SMARCA5: variants seen among roughly 807,000 people sequenced by gnomAD.
SMARCA5 encodes SNF2 related chromatin remodeling ATPase 5.
Under a neutral mutation model 140.4 loss-of-function variants are expected in SMARCA5, and 18 were observed. The ratio of observed to expected loss-of-function variants is 0.13; its 90% confidence interval spans 0.09 to 0.19. The LOEUF (loss-of-function observed/expected upper bound fraction) is 0.19. Among genes scored for constraint, SMARCA5 ranks in the 10% least tolerant of loss-of-function variants. The pLI is 1.00. For synonymous variants in SMARCA5, 449 were observed against 419.6 expected, an observed-to-expected ratio of 1.07 and a Z score of -0.86; for missense variants, 606 against 1,276.8, an observed-to-expected ratio of 0.47 and a Z score of 8.01.
At chr4:143,526,592 T>G in intron 6 of SMARCA5, 132 bp downstream of exon 6, 1 of 646,688 alleles carries the variant, frequency 1.5e-6, no homozygotes. Context: ...AATGTAGCAT[T>G]GTCTTGGTGG....
intron 8 of SMARCA5, among the ~76,000 whole-genome samples, chr4:143,529,550 G>T (rs1247376402): frequency 6.6e-6 from 1 of 152,100 alleles, no homozygotes; most frequent in East Asian, 1.9e-4. Flanking sequence ...TTAGCTATTT[G>T]AACTGTTAAT....
At chr4:143,528,242 T>C (rs898099178) in intron 7 of SMARCA5, among the ~76,000 whole-genome samples, 1 of 152,134 alleles carries the variant, frequency 6.6e-6, no homozygotes, top group African/African-American at 2.4e-5. Flanking sequence ...CTCTGCTTTC[T>C]CCCCACTCCC....
intron 16 of SMARCA5, 59 bp from the exon 17 acceptor site, chr4:143,544,678 G>A: frequency 1.1e-6 from 1 of 923,390 alleles, no homozygotes; most frequent in Admixed American, 2.0e-5. Flanking sequence ...CCTTCTTGAT[G>A]ATGATTTGTT....
chr4:143,530,305 A>G (rs1560815776), intron 8 of SMARCA5, among the ~76,000 whole-genome samples, 153 bp from the exon 9 acceptor site: 1 of 152,220 alleles, frequency 6.6e-6, no homozygotes, highest in African/African-American at 2.4e-5. Context: ...ATTAGTAACA[A>G]TGACACATGA....
intron 3 of SMARCA5, among the ~76,000 whole-genome samples, chr4:143,523,141 C>T (rs150254076): frequency 0.01 from 1,554 of 152,192 alleles, 37 homozygotes; most frequent in African/African-American, 0.035. Context: ...GGGGTTCAAG[C>T]GATTCTTGGA....
chr4:143,542,230 T>A lies in SMARCA5; in HGVS notation c.1904-1279T>A, dbSNP rs948556068. On this transcript the variant is annotated intron_variant, in intron 14 of 23. Transcript: ENST00000283131. ...TAATTTAGAAATCTTGAGGTTTTTTTACTTCATATTTACTGTGGCAATTTT... is the reference window on the plus strand; with the variant it reads ...TAATTTAGAAATCTTGAGGTTTTTTAACTTCATATTTACTGTGGCAATTTT... Among the ~76,000 whole-genome samples, 19 of 152,208 alleles carry A rather than the reference T, an allele frequency of 1.2e-4. 1 individual carries two copies. Among genetic ancestry groups the A allele is most frequent in the Admixed American group, 1.2e-3 (19 of 15,278 alleles).
At chr4:143,535,120 C>CAT (rs1251209977) in intron 10 of SMARCA5, among the ~76,000 whole-genome samples, 156 bp downstream of exon 10, 2 of 152,128 alleles carry the variant, frequency 1.3e-5, no homozygotes, top group African/African-American at 2.4e-5. Flanking sequence ...AGGACTTGCT[C>CAT]ATTAAGTTCG....
At chr4:143,530,554 A>C in intron 9 of SMARCA5, 28 bp downstream of exon 9, 1 of 1,431,572 alleles carries the variant, frequency 7.0e-7, no homozygotes, top group Non-Finnish European at 9.7e-7. Context: ...GTGTTAAAGC[A>C]TATTTATGAT....
chr4:143,522,567 G>A (rs1307304847), intron 3 of SMARCA5, among the ~76,000 whole-genome samples: 1 of 152,114 alleles, frequency 6.6e-6, no homozygotes, highest in Non-Finnish European at 1.5e-5. Context: ...TTTATTTGGG[G>A]TATTCCACTC....
In SMARCA5 at chr4:143,556,536, A is replaced by G. The variant is rs1357736759; in HGVS notation, c.*3352A>G. 1 of 152,214 alleles carries G rather than the reference A, an allele frequency of 6.6e-6. No homozygotes were observed. The highest frequency in any genetic ancestry group is 1.5e-5 in the Non-Finnish European group (1 of 68,036). 9.4% of individuals were successfully genotyped at this position (152,214 alleles called of 1,614,324 possible). On this transcript the variant is annotated 3_prime_UTR_variant, in exon 24 of 24. Coordinates refer to ENST00000283131, the MANE Select transcript of SMARCA5 (RefSeq NM_003601.4). Reference sequence around the variant, plus strand: ...TTTAAACAAAGTAGATTAATGACACAAGGTGGATTGATGAACTCATAAATC... The same window carrying G: ...TTTAAACAAAGTAGATTAATGACACGAGGTGGATTGATGAACTCATAAATC...
intron 22 of SMARCA5, among the ~76,000 whole-genome samples, chr4:143,548,904 A>G (rs185922264): frequency 2.0e-4 from 30 of 152,202 alleles, no homozygotes; most frequent in East Asian, 1.5e-3. Flanking sequence ...CAGTATTTTC[A>G]TGTTTGACCA....
Position 143,550,073 on chromosome 4 carries a change from C to A in SMARCA5, c.3062C>A (p.Ala1021Glu). The change falls in exon 23 of 24, where the codon GCA (alanine) becomes GAA (glutamate). Residue 1021 changes from alanine (A) to glutamate (E), a missense_variant. Ala to Glu is a moderately radical substitution (Grantham distance 107). Transcript: ENST00000283131. ...ATGGAACTAGAAGAAAAGGAGAAGG[C>A]AGAGAAAAAGAAACGAGGACCAAAG... ...ENMELEEKEK[A>E]EKKKRGPKPS... 6.3e-7 allele frequency: 1 copy of A among 1,585,242 alleles called. No individual in the cohort carries two copies. The highest frequency in any genetic ancestry group is 1.4e-5 in the African/African-American group (1 of 72,782).
rs1417715276 is a variant in SMARCA5, at chr4:143,556,076, C to T, written c.*2892C>T. 1.3e-5 allele frequency: 2 copies of T among 152,136 alleles called. No individual in the cohort carries two copies. Among genetic ancestry groups the T allele is most frequent in the African/African-American group, 2.4e-5 (1 of 41,440 alleles). 9.4% of individuals were successfully genotyped at this position (152,136 alleles called of 1,614,324 possible). On this transcript the variant is annotated 3_prime_UTR_variant, in exon 24 of 24. Transcript: ENST00000283131. Reference sequence around the variant, plus strand: ...CAAAAAATCTAAAATCAGAAATGCTCCATAATTTGAATGCTCATTAGGGCA... The same window carrying T: ...CAAAAAATCTAAAATCAGAAATGCTTCATAATTTGAATGCTCATTAGGGCA...
rs1737108941 is a variant in SMARCA5 at position 143,528,025 on chromosome 4, TA to T, written c.957+4del. On this transcript the variant is annotated splice_donor_region_variant and intron_variant, in intron 7 of 23. Coordinates refer to ENST00000283131, the MANE Select transcript of SMARCA5 (RefSeq NM_003601.4). The stretch of plus-strand genomic sequence containing the variant: ...AGGATCAAAAATGAAAAATCTAAGG[TA>T]ATTTGATACTTAGATGTGAAAAGCC... The T allele has an allele frequency of 1.3e-6, 2 of 1,554,352 alleles. No homozygotes were observed. Among genetic ancestry groups the T allele is most frequent in the Non-Finnish European group, 1.7e-6 (2 of 1,158,116 alleles).
chr4:143,548,353 T>C, intron 22 of SMARCA5: 1 of 374,750 alleles, frequency 2.7e-6, no homozygotes, highest in Non-Finnish European at 4.8e-6. Context: ...ATGATAAGAC[T>C]AGCTTTTCAA....
At chr4:143,543,353 C>T (rs1324740307) in intron 14 of SMARCA5, among the ~76,000 whole-genome samples, 156 bp from the exon 15 acceptor site, 2 of 151,926 alleles carry the variant, frequency 1.3e-5, no homozygotes, top group South Asian at 2.1e-4. Context: ...AAATTTAGTG[C>T]AAAAATCAAA....
intron 2 of SMARCA5, among the ~76,000 whole-genome samples, chr4:143,520,118 A>C (rs557716215): frequency 6.6e-6 from 1 of 152,122 alleles, no homozygotes; most frequent in African/African-American, 2.4e-5. Flanking sequence ...CTCCCTCAAG[A>C]CATTTCAGTT....
At chr4:143,523,964 G>A (rs2149817632) in intron 3 of SMARCA5, among the ~76,000 whole-genome samples, 1 of 152,182 alleles carries the variant, frequency 6.6e-6, no homozygotes. Flanking sequence ...AAATTTCTGA[G>A]TCCTTATGCT....
rs1293544392 is a variant in SMARCA5 at position 143,544,656 on chromosome 4, A to T, written c.2173-81A>T. The T allele has an allele frequency of 3.7e-6, 3 of 812,892 alleles. No homozygotes were observed. In the African/African-American group the frequency reaches 5.2e-5, roughly 14 times the overall value. 50.4% of individuals were successfully genotyped at this position (812,892 alleles called of 1,614,324 possible). ...CCCAGGATTTTGTGAATATCTTTAC[A>T]TTTACAAACATCCTTCTTGATGATG... On this transcript the variant is annotated intron_variant, in intron 16 of 23. Transcript: ENST00000283131.
Sources: allele counts gnomAD v4.1 joint callset (sites outside exome capture counted in the v4.1 genomes callset), GRCh38; gene constraint gnomAD v4.1.1; transcripts MANE v1.5; gene names NCBI Gene and HGNC (gene_info 2026-07-23, HGNC 2026-07-21).